The following PCDH9 variants were observed in gnomAD, a reference collection of about 807,000 sequenced individuals.
PCDH9 encodes the protein protocadherin-9.
A neutral mutation model predicts 70.6 loss-of-function variants in PCDH9; 24 were observed. The observed-to-expected ratio is 0.34, with a 90% confidence interval of 0.25 to 0.48. The LOEUF is 0.48. Ranked by LOEUF, PCDH9 falls within the 20% of genes least tolerant of loss-of-function variation. The probability of loss-of-function intolerance (pLI) is 0.99; values close to 1 mark genes in which losing one functional copy is unlikely to be tolerated. For missense variants in PCDH9, 1,281 were observed against 1,503.6 expected (o/e 0.85, Z 2.45); for synonymous variants, 562 against 558.5 (o/e 1.01, Z -0.09).
intron 4 of PCDH9, among the ~76,000 whole-genome samples, chr13:66,359,635 A>G (rs1462386709): frequency 6.6e-6 from 1 of 152,056 alleles, no homozygotes; most frequent in Non-Finnish European, 1.5e-5. Flanking sequence ...TAGGAGAAAC[A>G]TTGAGACTGT....
chr13:67,134,682 C>T (rs2087188195), intron 2 of PCDH9, among the ~76,000 whole-genome samples: 1 of 152,058 alleles, frequency 6.6e-6, no homozygotes, highest in African/African-American at 2.4e-5. Context: ...TGCTACGGTA[C>T]ATTTGAAAAT....
Position 66,501,176 on chromosome 13 carries a change from C to T in PCDH9, c.3340+130034G>A, listed in dbSNP as rs113662328. Among the ~76,000 whole-genome samples the T allele has an allele frequency of 4.7e-3, 711 of 152,186 alleles. 8 individuals carry two copies. The highest frequency in any genetic ancestry group is 0.016 in the African/African-American group (682 of 41,540). On this transcript the variant is annotated intron_variant, in intron 4 of 4. Coordinates refer to ENST00000377865, the MANE Select transcript of PCDH9 (RefSeq NM_203487.3). ...TTTTAATTTATAATAAATGCACATCCTTATGAGTATGTCATTTGAAATTAA... is the reference window on the plus strand; with the variant it reads ...TTTTAATTTATAATAAATGCACATCTTTATGAGTATGTCATTTGAAATTAA...
chr13:67,124,995 A>G (rs2086948390), intron 2 of PCDH9, among the ~76,000 whole-genome samples: 1 of 152,194 alleles, frequency 6.6e-6, no homozygotes, highest in Admixed American at 6.5e-5. Context: ...CAGGTTGTGC[A>G]TAAGGAGTAG....
chr13:66,755,948 G>A (rs1391216087), intron 3 of PCDH9, among the ~76,000 whole-genome samples: 2 of 152,056 alleles, frequency 1.3e-5, no homozygotes, highest in Admixed American at 6.6e-5. Flanking sequence ...TTTCAAAATC[G>A]TTTGCATCCC....
intron 4 of PCDH9, among the ~76,000 whole-genome samples, chr13:66,617,582 C>T (rs888011424): frequency 1.3e-5 from 2 of 152,154 alleles, no homozygotes; most frequent in African/African-American, 4.8e-5. Context: ...GTGAAGGGAA[C>T]CCAGAAGCCC....
intron 4 of PCDH9, among the ~76,000 whole-genome samples, chr13:66,493,822 G>T (rs1007095176): frequency 2.0e-5 from 3 of 151,970 alleles, no homozygotes; most frequent in African/African-American, 7.2e-5. Flanking sequence ...CACACTATGG[G>T]TGAATAAACC....
intron 2 of PCDH9, chr13:67,214,935 G>GAGATATATATATATATAT (rs1555321189): frequency 1.1e-5 from 1 of 89,248 alleles, no homozygotes; most frequent in Non-Finnish European, 2.4e-5. Flanking sequence ...TTGCGAGCCA[G>GAGATATATATATATATAT]ATATATATAT....
chr13:66,879,908 A>T (rs1274748505), intron 3 of PCDH9: 1 of 152,196 alleles, frequency 6.6e-6, no homozygotes, highest in Non-Finnish European at 1.5e-5. Flanking sequence ...TGACACATTT[A>T]AATAATTTTA....
At chr13:66,922,124 T>A (rs1341602582) in intron 2 of PCDH9, among the ~76,000 whole-genome samples, 1 of 151,368 alleles carries the variant, frequency 6.6e-6, no homozygotes, top group Admixed American at 6.6e-5. Context: ...TATTCATGTA[T>A]CAGAAAATGC....
chr13:67,055,619 C>T (rs2085403259), intron 2 of PCDH9, among the ~76,000 whole-genome samples: 1 of 138,694 alleles, frequency 7.2e-6, no homozygotes, highest in African/African-American at 2.7e-5. Flanking sequence ...CAAGCCTAGG[C>T]AACATAGCAA....
intron 2 of PCDH9, among the ~76,000 whole-genome samples, chr13:67,024,495 T>G (rs892182241): frequency 2.6e-5 from 4 of 152,146 alleles, no homozygotes; most frequent in African/African-American, 9.6e-5. Context: ...CATAATAAAT[T>G]ATATTTAAAA....
At chr13:67,169,801 C>G (rs2088226899) in intron 2 of PCDH9, among the ~76,000 whole-genome samples, 2 of 152,082 alleles carry the variant, frequency 1.3e-5, no homozygotes, top group Non-Finnish European at 2.9e-5. Context: ...AATCTTTTAG[C>G]CCTGATTTTA....
At chr13:66,322,294 C>A (rs1249288783) in intron 4 of PCDH9, among the ~76,000 whole-genome samples, 1 of 151,862 alleles carries the variant, frequency 6.6e-6, no homozygotes, top group African/African-American at 2.4e-5. Flanking sequence ...TGTAAATTAA[C>A]CTATGATCAC....
chr13:66,364,622 C>T (rs1169895888), intron 4 of PCDH9, among the ~76,000 whole-genome samples: 1 of 152,110 alleles, frequency 6.6e-6, no homozygotes, highest in Non-Finnish European at 1.5e-5. Context: ...GCCTAATTTT[C>T]TGACAGCTAG....
At chr13:66,869,255 T>C (rs1227633867) in intron 3 of PCDH9, among the ~76,000 whole-genome samples, 2 of 152,152 alleles carry the variant, frequency 1.3e-5, no homozygotes, top group Non-Finnish European at 2.9e-5. Flanking sequence ...GTAGTAGCAA[T>C]GAAGAGTTTT....
intron 2 of PCDH9, among the ~76,000 whole-genome samples, chr13:67,003,073 C>A (rs1452671404): frequency 5.3e-5 from 8 of 151,876 alleles, no homozygotes; most frequent in Non-Finnish European, 1.2e-4. Flanking sequence ...CCACCTTGAC[C>A]TTTACCAGAC....
intron 3 of PCDH9, among the ~76,000 whole-genome samples, chr13:66,897,939 T>C (rs1466200226): frequency 1.3e-5 from 2 of 152,138 alleles, no homozygotes; most frequent in Non-Finnish European, 2.9e-5. Context: ...CATAAGATGT[T>C]TGACTATTCC....
chr13:66,553,319 T>G (rs1961580126), intron 4 of PCDH9, among the ~76,000 whole-genome samples: 1 of 152,182 alleles, frequency 6.6e-6, no homozygotes. Flanking sequence ...TAAGTACTTG[T>G]GGAATGGATT....
chr13:67,111,886 T>C (rs1277311177), intron 2 of PCDH9, among the ~76,000 whole-genome samples: 2 of 152,208 alleles, frequency 1.3e-5, no homozygotes, highest in East Asian at 3.8e-4. Context: ...TTCATATAAT[T>C]AATAGTGTTA....
Sources: allele counts gnomAD v4.1 joint callset (sites outside exome capture counted in the v4.1 genomes callset), GRCh38; gene constraint gnomAD v4.1.1; transcripts MANE v1.5; gene names NCBI Gene and HGNC (gene_info 2026-07-23, HGNC 2026-07-21).